The following RXRA variants were observed in gnomAD, a reference collection of about 807,000 sequenced individuals.
RXRA encodes the protein retinoic acid receptor RXR-alpha.
A neutral mutation model predicts 44.5 loss-of-function variants in RXRA; 5 were observed. The ratio of observed to expected loss-of-function variants is 0.11; its 90% CI spans 0.06 to 0.24. RXRA has a LOEUF of 0.24. Ranked by LOEUF, RXRA falls within the 10% of genes least tolerant of loss-of-function variation. RXRA has a pLI of 1.00. For synonymous variants in RXRA, 291 were observed against 271.4 expected (o/e 1.07, Z -0.71); for missense variants, 412 against 646.5 (o/e 0.64, Z 3.93).
At chr9:134,329,001 CG>C (rs1834958961) in intron 1 of RXRA, among the ~76,000 whole-genome samples, 1 of 152,230 alleles carries the variant, frequency 6.6e-6, no homozygotes, top group Non-Finnish European at 1.5e-5. Flanking sequence ...CCCTGCTGCC[CG>C]GGGCTGGCCG....
At chr9:134,352,180 T>C (rs1291542600) in intron 1 of RXRA, among the ~76,000 whole-genome samples, 1 of 152,034 alleles carries the variant, frequency 6.6e-6, no homozygotes, top group African/African-American at 2.4e-5. Flanking sequence ...CAGGAGCCCC[T>C]GTGGGTTTGA....
rs372138719 is a variant in RXRA, at chr9:134,390,329, C to T, written c.29-11303C>T. On this transcript the variant is annotated intron_variant, in intron 1 of 9. Transcript: ENST00000481739. ...CTCCTCTCCATTGCCGTCCCTTCCA[C>T]GGGTCACTTGGCGGGAGGTCCACTC... Among the ~76,000 whole-genome samples the T allele has an allele frequency of 2.2e-4, 33 of 152,322 alleles. No homozygotes were observed. In the East Asian group the frequency reaches 3.5e-3, roughly 16 times the overall value.
chr9:134,351,852 C>T (rs531455330), intron 1 of RXRA, among the ~76,000 whole-genome samples: 4 of 152,166 alleles, frequency 2.6e-5, no homozygotes, highest in African/African-American at 4.8e-5. Context: ...ATGGAGGCCA[C>T]GCAGCAGCTG....
At chr9:134,375,445 G>A (rs140381889) in intron 1 of RXRA, among the ~76,000 whole-genome samples, 41 of 152,334 alleles carry the variant, frequency 2.7e-4, no homozygotes, top group African/African-American at 9.4e-4. Flanking sequence ...CGGGTGGGCT[G>A]TGGACACTGT....
At chr9:134,375,479 C>T (rs1830544506) in intron 1 of RXRA, among the ~76,000 whole-genome samples, 1 of 152,176 alleles carries the variant, frequency 6.6e-6, no homozygotes, top group African/African-American at 2.4e-5. Flanking sequence ...AGGCAGTGGG[C>T]AGGGGATTCC....
rs1831010426 is a variant in RXRA, at chr9:134,404,162, CAG to C, written c.279+2286_279+2287del. ...ACCGCAAAGTCAGAGTCGCTGGAGC[CAG>C]AGAGATTCTCTGACTTCTGCTGCTG... On this transcript the variant is annotated intron_variant, in intron 2 of 9. Transcript: ENST00000481739. The C allele has an allele frequency of 2.6e-5, 4 of 152,254 alleles. No individual in the cohort carries two copies. The South Asian group carries it at 8.3e-4, about 32-fold the overall frequency. 9.4% of individuals were successfully genotyped at this position (152,254 alleles called of 1,614,324 possible).
intron 6 of RXRA, chr9:134,422,016 A>G: frequency 7.8e-7 from 1 of 1,283,886 alleles, no homozygotes; most frequent in Non-Finnish European, 9.9e-7. Context: ...CCCGGAACAC[A>G]CTCCCCCCTC....
In RXRA at chr9:134,349,246, C is replaced by T. The variant is rs782422181; in HGVS notation, c.28+22587C>T. 3.3e-5 allele frequency among the ~76,000 whole-genome samples: 5 copies of T among 152,204 alleles called. No homozygotes were observed. The highest frequency in any genetic ancestry group is 4.8e-5 in the African/African-American group (2 of 41,444). ...GCACCAGCCTGGCCCCGAGCTCCCA[C>T]TTCCTCATGCTGGGCACATGGGGAG... On this transcript the variant is annotated intron_variant, in intron 1 of 9. Transcript: ENST00000481739. The surrounding 1 kb of genome is among the most constrained non-coding windows in gnomAD (Gnocchi z 4.3).
intron 1 of RXRA, chr9:134,379,991 T>G: frequency 1.0e-6 from 1 of 985,248 alleles, no homozygotes; most frequent in Non-Finnish European, 1.2e-6. Flanking sequence ...TGTCGGAGCT[T>G]CAGGATTAGG....
Position 134,343,485 on chromosome 9 carries a change from G to A in RXRA, c.28+16826G>A, listed in dbSNP as rs747762990. Among the ~76,000 whole-genome samples, 7 of 152,172 alleles carry A rather than the reference G, an allele frequency of 4.6e-5. No homozygotes were observed. Among genetic ancestry groups the A allele is most frequent in the Admixed American group, 3.9e-4 (6 of 15,284 alleles). On this transcript the variant is annotated intron_variant, in intron 1 of 9. Transcript: ENST00000481739. This position sits in a 1 kb window ranked among gnomAD's most constrained non-coding sequence, Gnocchi z 4.1. The stretch of plus-strand genomic sequence containing the variant: ...GCAAAGGAACGTGAGGAGGGCATGA[G>A]TGTTGTATCTCATGGGAAGAAGCAT...
chr9:134,364,049 A>T (rs1830385463), intron 1 of RXRA, among the ~76,000 whole-genome samples: 1 of 151,860 alleles, frequency 6.6e-6, no homozygotes, highest in African/African-American at 2.4e-5. Flanking sequence ...TGGTGGGCAT[A>T]CCGGGTCTGC....
intron 6 of RXRA, chr9:134,425,287 C>G (rs1831413707): frequency 1.0e-6 from 1 of 985,180 alleles, no homozygotes; most frequent in Non-Finnish European, 1.2e-6. Flanking sequence ...GTCCAGGAGG[C>G]CTTCAGAAAT....
intron 1 of RXRA, among the ~76,000 whole-genome samples, chr9:134,385,593 C>G (rs1048157711): frequency 6.6e-6 from 1 of 152,318 alleles, no homozygotes; most frequent in Admixed American, 6.5e-5. Context: ...GTGGCCCTTG[C>G]TGGGAGCAGG....
At position 134,401,562 on chromosome 9, in the gene RXRA, G is replaced by A. The variant is rs954838793; in HGVS notation, c.29-70G>A. On this transcript the variant is annotated intron_variant, in intron 1 of 9. Transcript: ENST00000481739. ...GCAGGTGCGTGCATCTGTAGCTGGG[G>A]GGAGCAGGCATTTGGTGGGGCCTGG... is the stretch of plus-strand genomic sequence containing the variant. 3 of 1,600,910 alleles carry A rather than the reference G, an allele frequency of 1.9e-6. No individual in the cohort carries two copies. In the Admixed American group the frequency reaches 5.1e-5, roughly 27 times the overall value.
chr9:134,369,317 TGTG>T lies in RXRA; in HGVS notation c.29-32314_29-32312del, dbSNP rs1229876228. ...GTTATGTGTGTGTGAGTGCAGGGGT[TGTG>T]TGTGTGGGGGGGGTTATGTGTGTGT... On this transcript the variant is annotated intron_variant, in intron 1 of 9. Transcript: ENST00000481739. Among the ~76,000 whole-genome samples, 13 of 53,840 alleles carry T rather than the reference TGTG, an allele frequency of 2.4e-4. No individual in the cohort carries two copies. The East Asian group carries it at 3.7e-3, about 15-fold the overall frequency. The allele number at this position is 53,840 out of a possible 152,430, so 35.3% of individuals were successfully genotyped here.
In RXRA at chr9:134,354,083, T is replaced by C. The variant is rs1332082105; in HGVS notation, c.28+27424T>C. ...ATAAAATAACACTTAGGTCCATGCCTGGGAAAGCCTAGAGGTGCATTCCAG... is the reference window on the plus strand; with the variant it reads ...ATAAAATAACACTTAGGTCCATGCCCGGGAAAGCCTAGAGGTGCATTCCAG... On this transcript the variant is annotated intron_variant, in intron 1 of 9. Coordinates refer to ENST00000481739, the MANE Select transcript of RXRA (RefSeq NM_002957.6). Among the ~76,000 whole-genome samples the C allele has an allele frequency of 2.0e-5, 3 of 152,158 alleles. No homozygotes were observed. In the East Asian group the frequency reaches 5.8e-4, roughly 29 times the overall value.
At chr9:134,388,439 A>G (rs1454390953) in intron 1 of RXRA, among the ~76,000 whole-genome samples, 1 of 152,186 alleles carries the variant, frequency 6.6e-6, no homozygotes, top group Non-Finnish European at 1.5e-5. Flanking sequence ...GCTCTCACGC[A>G]GGAGTGGGGC....
At chr9:134,425,200 C>T in intron 6 of RXRA, 1 of 985,420 alleles carries the variant, frequency 1.0e-6, no homozygotes, top group Non-Finnish European at 1.2e-6. Flanking sequence ...TCCAGCCAGG[C>T]TGTGGGAGGT....
At position 134,331,383 on chromosome 9, in the gene RXRA, G is replaced by GA. The variant is rs542554334; in HGVS notation, c.28+4725dup. On this transcript the variant is annotated intron_variant, in intron 1 of 9. Coordinates refer to ENST00000481739, the MANE Select transcript of RXRA (RefSeq NM_002957.6). ...GGAAAATTGGCCCGGCCGCTGTGGG[G>GA]AGAGCGGGTGCGGACCGCGTGCAGG... is the stretch of plus-strand genomic sequence containing the variant. Among the ~76,000 whole-genome samples the GA allele has an allele frequency of 4.2e-3, 635 of 152,356 alleles. 4 individuals are homozygous for GA. The highest frequency in any genetic ancestry group is 0.015 in the African/African-American group (610 of 41,574).
Sources: gnomAD v4.1 joint callset for allele counts (sites outside exome capture counted in the v4.1 genomes callset) on GRCh38, gnomAD v4.1.1 for gene constraint, Gnocchi (gnomAD v3.1) non-coding constraint, MANE v1.5 for transcripts, NCBI Gene and HGNC (gene_info 2026-07-23, HGNC 2026-07-21) for gene names.